The following AFF3 variants were observed in gnomAD, a reference collection of about 807,000 sequenced individuals.
AFF3 encodes ALF transcription elongation factor 3, also known as AF4/FMR2 family member 3.
AFF3 carries 32 observed loss-of-function variants against 129.7 expected under a neutral mutation model. That is an observed-to-expected ratio of 0.25 (90% CI 0.19 to 0.33). The LOEUF (loss-of-function observed/expected upper bound fraction) is 0.33. Ranked by LOEUF, AFF3 falls within the 10% of genes least tolerant of loss-of-function variation. The probability of loss-of-function intolerance (pLI) is 1.00; values close to 1 mark genes in which losing one functional copy is unlikely to be tolerated. For synonymous variants in AFF3, 644 were observed against 635.4 expected (o/e 1.01, Z -0.20); for missense variants, 1,373 against 1,592.0 (o/e 0.86, Z 2.34).
intron 4 of AFF3, among the ~76,000 whole-genome samples, chr2:100,102,000 A>G (rs1199477443): frequency 2.0e-5 from 3 of 149,156 alleles, no homozygotes; most frequent in African/African-American, 7.4e-5. Context: ...CAGTAAAGTC[A>G]TTTAACAGTT....
chr2:99,614,653 A>G (rs1428825754), intron 13 of AFF3, among the ~76,000 whole-genome samples: 1 of 152,236 alleles, frequency 6.6e-6, no homozygotes, highest in Non-Finnish European at 1.5e-5. Flanking sequence ...ATCTGTTCTA[A>G]CACTCGAAAC....
intron 9 of AFF3, among the ~76,000 whole-genome samples, chr2:99,751,728 T>A (rs1326382965): frequency 6.6e-6 from 1 of 152,206 alleles, no homozygotes; most frequent in Non-Finnish European, 1.5e-5. Flanking sequence ...TTGTGGCCAA[T>A]TTTTTGGTGT....
At chr2:100,048,220 AT>A (rs1685995971) in intron 4 of AFF3, among the ~76,000 whole-genome samples, 2 of 152,356 alleles carry the variant, frequency 1.3e-5, no homozygotes, top group Admixed American at 6.5e-5. Context: ...GACATTTACC[AT>A]TGTACTGCAC....
chr2:99,560,442 A>C lies in AFF3; in HGVS notation c.3120-6T>G. On this transcript the variant is annotated splice_polypyrimidine_tract_variant and splice_region_variant and intron_variant, in intron 20 of 24. Transcript: ENST00000672756. The stretch of plus-strand genomic sequence containing the variant: ...TTTTTAGTCTCATAGCATACCTTAG[A>C]AAAAGCGGGGAGGAGGAATAGAATA... The C allele has an allele frequency of 6.2e-7, 1 of 1,611,780 alleles. No homozygotes were observed. Among genetic ancestry groups the C allele is most frequent in the Non-Finnish European group, 8.5e-7 (1 of 1,179,006 alleles).
At chr2:99,806,693 C>T (rs1202354919) in intron 8 of AFF3, among the ~76,000 whole-genome samples, 2 of 152,124 alleles carry the variant, frequency 1.3e-5, no homozygotes, top group Non-Finnish European at 2.9e-5. Flanking sequence ...ATACCTGTCT[C>T]CACGCCCCCA....
At chr2:99,705,772 G>A (rs1326743427) in intron 11 of AFF3, among the ~76,000 whole-genome samples, 7 of 151,070 alleles carry the variant, frequency 4.6e-5, no homozygotes, top group Non-Finnish European at 1.0e-4. Flanking sequence ...TACTCAGGAG[G>A]CTGAGGCAGG....
At chr2:100,036,608 C>T (rs1306285690) in intron 4 of AFF3, among the ~76,000 whole-genome samples, 1 of 151,616 alleles carries the variant, frequency 6.6e-6, no homozygotes, top group African/African-American at 2.4e-5. Context: ...CATATTTGAT[C>T]ATGCAATCAT....
chr2:99,744,383 A>G (rs1558808209), intron 9 of AFF3, among the ~76,000 whole-genome samples: 1 of 152,204 alleles, frequency 6.6e-6, no homozygotes, highest in Non-Finnish European at 1.5e-5. Flanking sequence ...ATTGAGGTGA[A>G]GTTCACATAA....
chr2:99,912,747 A>G (rs1341020309), intron 7 of AFF3, among the ~76,000 whole-genome samples: 1 of 152,232 alleles, frequency 6.6e-6, no homozygotes, highest in Non-Finnish European at 1.5e-5. Flanking sequence ...CTGTTTCTCT[A>G]TTAGGGATTG....
intron 13 of AFF3, among the ~76,000 whole-genome samples, chr2:99,647,179 T>A (rs1211663578): frequency 6.6e-6 from 1 of 152,212 alleles, no homozygotes; most frequent in African/African-American, 2.4e-5. Context: ...TAAATCATTC[T>A]ATTATAAAGA....
intron 12 of AFF3, among the ~76,000 whole-genome samples, chr2:99,665,110 T>C (rs575203318): frequency 6.6e-6 from 1 of 152,236 alleles, no homozygotes; most frequent in South Asian, 2.1e-4. Flanking sequence ...ATGAGCTCAG[T>C]GTGAAGATGA....
chr2:99,894,640 T>G (rs1005406598), intron 7 of AFF3, among the ~76,000 whole-genome samples: 19 of 151,948 alleles, frequency 1.3e-4, no homozygotes, highest in Non-Finnish European at 2.2e-4. Flanking sequence ...GGCTAATTTT[T>G]TTTTTTTTGT....
intron 7 of AFF3, among the ~76,000 whole-genome samples, chr2:99,888,024 G>A (rs755772755): frequency 2.0e-5 from 3 of 152,164 alleles, no homozygotes; most frequent in Non-Finnish European, 2.9e-5. Flanking sequence ...ATCAAAATCA[G>A]CAAGTGTTAT....
chr2:99,828,161 T>C (rs1007129268), intron 8 of AFF3, among the ~76,000 whole-genome samples: 8 of 152,186 alleles, frequency 5.3e-5, no homozygotes, highest in Non-Finnish European at 1.0e-4. Context: ...GAATTTCATT[T>C]GGGAACAATT....
At chr2:99,801,284 T>C (rs1051100231) in intron 8 of AFF3, among the ~76,000 whole-genome samples, 1 of 152,198 alleles carries the variant, frequency 6.6e-6, no homozygotes, top group Non-Finnish European at 1.5e-5. Context: ...TGGAGAAATT[T>C]ATCAGAAATT....
chr2:99,726,656 G>A (rs542850733), intron 11 of AFF3, among the ~76,000 whole-genome samples: 7 of 152,258 alleles, frequency 4.6e-5, no homozygotes, highest in South Asian at 2.1e-4. Flanking sequence ...CAGAGATATC[G>A]ATAATTGTGC....
intron 11 of AFF3, among the ~76,000 whole-genome samples, chr2:99,678,819 A>G (rs1674254768): frequency 6.6e-6 from 1 of 152,340 alleles, no homozygotes; most frequent in South Asian, 2.1e-4. Flanking sequence ...TCCCCAAGCC[A>G]TCATCTCCAC....
At chr2:99,677,534 G>GT (rs752778315) in intron 11 of AFF3, among the ~76,000 whole-genome samples, 9 of 152,116 alleles carry the variant, frequency 5.9e-5, no homozygotes, top group Admixed American at 2.6e-4. Context: ...TGGGCATGTT[G>GT]TAACACCCTT....
At chr2:99,735,003 G>A (rs1680131230) in intron 10 of AFF3, among the ~76,000 whole-genome samples, 1 of 152,026 alleles carries the variant, frequency 6.6e-6, no homozygotes. Context: ...GAAATTGTGT[G>A]GTGGAATGAT....
Sources: allele counts gnomAD v4.1 joint callset (sites outside exome capture counted in the v4.1 genomes callset), GRCh38; gene constraint gnomAD v4.1.1; transcripts MANE v1.5; gene names NCBI Gene and HGNC (gene_info 2026-07-23, HGNC 2026-07-21).